Variants in SEMA5A observed in about 807,000 individuals in gnomAD.
The protein encoded by SEMA5A is semaphorin-5A.
SEMA5A carries 55 observed loss-of-function variants against 135.5 expected under a neutral mutation model. The ratio of observed to expected loss-of-function variants is 0.41; its 90% CI spans 0.33 to 0.51. The LOEUF (loss-of-function observed/expected upper bound fraction) is 0.51. Ranked by LOEUF, SEMA5A falls within the 20% of genes least tolerant of loss-of-function variation. The probability of loss-of-function intolerance (pLI) is 0.37; values close to 1 mark genes in which losing one functional copy is unlikely to be tolerated. For synonymous variants in SEMA5A, 580 were observed against 546.5 expected (o/e 1.06, Z -0.85); for missense variants, 1,290 against 1,419.9 (o/e 0.91, Z 1.47).
chr5:9,210,529 C>A (rs1806051), intron 8 of SEMA5A, among the ~76,000 whole-genome samples: 10,136 of 152,238 alleles, frequency 0.067, 410 homozygotes, highest in Middle Eastern at 0.14. Flanking sequence ...CTCTTCATGG[C>A]AGCTCATGCA....
At chr5:9,417,510 T>C (rs4701846) in intron 2 of SEMA5A, among the ~76,000 whole-genome samples, 77,647 of 152,040 alleles carry the variant, frequency 0.51, 20,946 homozygotes, top group Non-Finnish European at 0.62. Flanking sequence ...TAGCACCTCC[T>C]ATATTTGCAA....
rs56202626 is a variant in SEMA5A at position 9,096,554 on chromosome 5, C to CTGTGTGTGTGTGTG, written c.2073+11572_2073+11585dup. 1.9e-3 allele frequency among the ~76,000 whole-genome samples: 278 copies of CTGTGTGTGTGTGTG among 144,506 alleles called. 2 individuals carry two copies. Among genetic ancestry groups the CTGTGTGTGTGTGTG allele is most frequent in the African/African-American group, 5.9e-3 (227 of 38,766 alleles). The allele number at this position is 144,506 out of a possible 152,430, so 94.8% of individuals were successfully genotyped here. ...ATTTTTAAGGCTGTATAATATTCCA[C>CTGTGTGTGTGTGTG]TGTGTGTGTGTGTGTGTGTGTGTGT... is the stretch of plus-strand genomic sequence containing the variant. On this transcript the variant is annotated intron_variant, in intron 16 of 22. Coordinates refer to ENST00000382496, the MANE Select transcript of SEMA5A (RefSeq NM_003966.3).
chr5:9,510,454 A>G (rs1027401361), intron 1 of SEMA5A, among the ~76,000 whole-genome samples: 3 of 152,190 alleles, frequency 2.0e-5, no homozygotes, highest in Non-Finnish European at 4.4e-5. Flanking sequence ...TGGGAAGTAA[A>G]TAACGCATTT....
At chr5:9,088,747 G>T (rs1738871088) in intron 16 of SEMA5A, among the ~76,000 whole-genome samples, 1 of 151,046 alleles carries the variant, frequency 6.6e-6, no homozygotes, top group Non-Finnish European at 1.5e-5. Context: ...ACAGGTCATG[G>T]TGCCAGTTTC....
intron 3 of SEMA5A, among the ~76,000 whole-genome samples, chr5:9,346,355 C>T (rs1455632557): frequency 6.6e-6 from 1 of 152,162 alleles, no homozygotes; most frequent in Non-Finnish European, 1.5e-5. Context: ...TCCACATTTA[C>T]CACCCTTCAG....
At chr5:9,443,689 T>C (rs1339798241) in intron 1 of SEMA5A, among the ~76,000 whole-genome samples, 1 of 152,192 alleles carries the variant, frequency 6.6e-6, no homozygotes, top group African/African-American at 2.4e-5. Flanking sequence ...CCATATATGG[T>C]TCTCACGCCT....
In SEMA5A at chr5:9,094,090, T is replaced by G. The variant is rs538404930; in HGVS notation, c.2073+14050A>C. Among the ~76,000 whole-genome samples the G allele has an allele frequency of 2.6e-5, 4 of 152,320 alleles. No individual in the cohort carries two copies. In the East Asian group the frequency reaches 7.7e-4, roughly 29 times the overall value. On this transcript the variant is annotated intron_variant, in intron 16 of 22. Coordinates refer to ENST00000382496, the MANE Select transcript of SEMA5A (RefSeq NM_003966.3). ...ATTATTTAGCAATTTGAATTATGTT[T>G]TTTTCTCCTAAGCCAGAAAGGAGGC...
chr5:9,060,029 G>T (rs1047087317), intron 18 of SEMA5A, among the ~76,000 whole-genome samples: 1 of 152,080 alleles, frequency 6.6e-6, no homozygotes, highest in Admixed American at 6.5e-5. Flanking sequence ...GTGCAGCTCA[G>T]CATTCACACC....
At chr5:9,078,236 C>T (rs1350241108) in intron 16 of SEMA5A, among the ~76,000 whole-genome samples, 1 of 152,194 alleles carries the variant, frequency 6.6e-6, no homozygotes, top group Non-Finnish European at 1.5e-5. Context: ...GAAACGTTTC[C>T]TTCTCAAGCT....
At chr5:9,190,510 C>T in intron 10 of SEMA5A, 39 bp from the exon 11 acceptor site, 1 of 1,599,190 alleles carries the variant, frequency 6.3e-7, no homozygotes, top group Non-Finnish European at 8.5e-7. Flanking sequence ...GAGCCGGCAG[C>T]CTGGACACCC....
chr5:9,221,031 A>C (rs1001045790), intron 8 of SEMA5A, among the ~76,000 whole-genome samples: 2 of 152,078 alleles, frequency 1.3e-5, no homozygotes, highest in Non-Finnish European at 2.9e-5. Context: ...GAAAATTGCC[A>C]CTGCATGGCC....
chr5:9,108,129 A>C lies in SEMA5A; in HGVS notation c.2073+11T>G, dbSNP rs371842531. On this transcript the variant is annotated intron_variant, in intron 16 of 22. Transcript: ENST00000382496. Reference sequence around the variant, plus strand: ...GGATTGTGGGCTGGGTGTGAGAAGAAGGCTACTCACCACATTGCAGCCTGC... The same window carrying C: ...GGATTGTGGGCTGGGTGTGAGAAGACGGCTACTCACCACATTGCAGCCTGC... 6.2e-7 allele frequency: 1 copy of C among 1,612,434 alleles called. No homozygotes were observed. The highest frequency in any genetic ancestry group is 1.3e-5 in the African/African-American group (1 of 74,820).
rs268490 is a variant in SEMA5A, at chr5:9,395,167, T to G, written c.-77-15144A>C. On this transcript the variant is annotated intron_variant, in intron 2 of 22. Coordinates refer to ENST00000382496, the MANE Select transcript of SEMA5A (RefSeq NM_003966.3). ...GTTAACCAGTGAGACAGGACTTCAA[T>G]GCACATATTTAGATCCAGTTCAGGG... 2.4e-4 allele frequency among the ~76,000 whole-genome samples: 36 copies of G among 152,314 alleles called. No homozygotes were observed. The East Asian group carries it at 6.7e-3, about 29-fold the overall frequency.
chr5:9,397,063 T>G (rs1261431396), intron 2 of SEMA5A, among the ~76,000 whole-genome samples: 1 of 143,210 alleles, frequency 7.0e-6, no homozygotes, highest in African/African-American at 2.6e-5. Context: ...AAAAAAAAAA[T>G]AGGACCAAAG....
intron 1 of SEMA5A, among the ~76,000 whole-genome samples, chr5:9,480,010 C>T (rs1759814919): frequency 6.6e-6 from 1 of 152,154 alleles, no homozygotes; most frequent in African/African-American, 2.4e-5. Flanking sequence ...CTCGTTTAAA[C>T]CAAGAGTACT....
intron 5 of SEMA5A, among the ~76,000 whole-genome samples, chr5:9,305,834 G>T (rs1434605493): frequency 6.6e-6 from 1 of 151,300 alleles, no homozygotes; most frequent in East Asian, 2.0e-4. Flanking sequence ...GGGAAATCTT[G>T]GTCCCCTGGT....
At chr5:9,513,065 T>C (rs1007518518) in intron 1 of SEMA5A, among the ~76,000 whole-genome samples, 35 of 97,300 alleles carry the variant, frequency 3.6e-4, no homozygotes, top group African/African-American at 1.3e-3. Flanking sequence ...AATATATATA[T>C]ATAATATATA....
chr5:9,285,637 A>G (rs1750761306), intron 5 of SEMA5A, among the ~76,000 whole-genome samples: 1 of 152,222 alleles, frequency 6.6e-6, no homozygotes, highest in East Asian at 1.9e-4. Context: ...ATCTGTTTCT[A>G]GATGCTTGAT....
chr5:9,154,633 C>T lies in SEMA5A; in HGVS notation c.1336G>A (p.Glu446Lys). 1.9e-6 allele frequency: 3 copies of T among 1,614,102 alleles called. No homozygotes were observed. The highest frequency in any genetic ancestry group is 1.3e-5 in the African/African-American group (1 of 75,034). The stretch of plus-strand genomic sequence containing the variant: ...CTCTCAGGGAAGAGCTCAATCTCTT[C>T]CAGCAAACAGCTGCTTGAGGTCTGA... ...LNQTSSSCLL[E>K]EIELFPERRR... Residue 446 changes from glutamate to lysine, a missense_variant, in exon 12 of 23, where the codon GAA becomes AAA. Physicochemically the swap from Glu to Lys is moderately conservative, Grantham distance 56 (BLOSUM62 1). This residue lies in a region of SEMA5A where 1,029 missense variants were observed against 1,086.6 expected (regional missense o/e 0.95). Transcript: ENST00000382496.
Sources: allele counts gnomAD v4.1 joint callset (sites outside exome capture counted in the v4.1 genomes callset), GRCh38; gene constraint gnomAD v4.1.1; regional missense constraint gnomAD v4.1.1; transcripts MANE v1.5; gene names NCBI Gene and HGNC (gene_info 2026-07-23, HGNC 2026-07-21).